Variants in SRGAP3 observed in about 807,000 individuals in gnomAD.
The protein encoded by SRGAP3 is SLIT-ROBO Rho GTPase activating protein 3.
A neutral mutation model predicts 121.1 loss-of-function variants in SRGAP3; 39 were observed. The ratio of observed to expected loss-of-function variants is 0.32; its 90% CI spans 0.25 to 0.42. The LOEUF is 0.42. Among genes scored for constraint, SRGAP3 ranks in the 10% least tolerant of loss-of-function variants. SRGAP3 has a pLI of 1.00. For synonymous variants in SRGAP3, 601 were observed against 570.0 expected (o/e 1.05, Z -0.77); for missense variants, 1,213 against 1,470.6 (o/e 0.82, Z 2.86).
intron 1 of SRGAP3, among the ~76,000 whole-genome samples, chr3:9,126,780 G>A (rs1472628427): frequency 2.0e-5 from 3 of 152,078 alleles, no homozygotes; most frequent in Non-Finnish European, 4.4e-5. Context: ...AAGGGTGAGG[G>A]GGTGGGAGGG....
At chr3:9,194,322 G>A (rs770439387) in intron 1 of SRGAP3, 2 of 151,988 alleles carry the variant, frequency 1.3e-5, no homozygotes, top group Non-Finnish European at 2.9e-5. Flanking sequence ...CATATTTCTG[G>A]GCCTCGATTT....
intron 3 of SRGAP3, among the ~76,000 whole-genome samples, chr3:9,325,101 T>A (rs747955518): frequency 4.6e-5 from 7 of 151,892 alleles, no homozygotes; most frequent in Non-Finnish European, 7.4e-5. Flanking sequence ...AATGTCCTCA[T>A]GGTCGCACAT....
intron 18 of SRGAP3, 78 bp downstream of exon 18, chr3:9,010,230 C>G: frequency 2.0e-6 from 3 of 1,532,910 alleles, no homozygotes; most frequent in South Asian, 2.3e-5. Flanking sequence ...TGTGGGCCAG[C>G]CCTGTGGTTG....
At chr3:9,149,546 A>G (rs965745019) in intron 1 of SRGAP3, among the ~76,000 whole-genome samples, 1 of 151,950 alleles carries the variant, frequency 6.6e-6, no homozygotes, top group South Asian at 2.1e-4. Context: ...AGAATGTGCT[A>G]CTCCAGCTAC....
At chr3:9,115,144 C>A (rs1309876233) in intron 2 of SRGAP3, among the ~76,000 whole-genome samples, 1 of 152,158 alleles carries the variant, frequency 6.6e-6, no homozygotes, top group Non-Finnish European at 1.5e-5. Flanking sequence ...GTTCACCCTG[C>A]CTTGCCTATC....
chr3:9,105,277 C>A (rs1356235638), intron 2 of SRGAP3, among the ~76,000 whole-genome samples: 1 of 152,238 alleles, frequency 6.6e-6, no homozygotes, highest in Non-Finnish European at 1.5e-5. Context: ...TTTTCTTGGG[C>A]TCTTAACTTC....
Position 9,182,849 on chromosome 3 carries a change from G to C in SRGAP3, c.68-57932C>G, listed in dbSNP as rs1014207148. On this transcript the variant is annotated intron_variant, in intron 1 of 21. Coordinates refer to ENST00000383836, the MANE Select transcript of SRGAP3 (RefSeq NM_014850.4). The stretch of plus-strand genomic sequence containing the variant: ...TTTTAAAAAATTTTATAGAGATGGA[G>C]GTCTCACTGTGTTGCCCAGGCTGGT... Among the ~76,000 whole-genome samples, 15 of 151,866 alleles carry C rather than the reference G, an allele frequency of 9.9e-5. 1 individual carries two copies. Among genetic ancestry groups the C allele is most frequent in the Non-Finnish European group, 8.8e-5 (6 of 67,992 alleles).
chr3:9,012,695 T>A (rs1943435711), intron 17 of SRGAP3, among the ~76,000 whole-genome samples: 1 of 152,164 alleles, frequency 6.6e-6, no homozygotes, highest in African/African-American at 2.4e-5. Flanking sequence ...AGGTGGGGAC[T>A]AGTCACTCCC....
intron 1 of SRGAP3, among the ~76,000 whole-genome samples, chr3:9,232,169 G>A (rs1574912945): frequency 6.6e-6 from 1 of 152,186 alleles, no homozygotes; most frequent in African/African-American, 2.4e-5. Context: ...ACCACAGTAA[G>A]TTCAGCATAA....
rs377514390 is a variant in SRGAP3 at position 9,248,875 on chromosome 3, C to T, written c.67+10G>A. The T allele has an allele frequency of 9.9e-6, 16 of 1,613,930 alleles. No homozygotes were observed. The African/African-American group carries it at 1.1e-4, about 11-fold the overall frequency. ...GAGGAGAAGGAAAACTCTCCCAGCC[C>T]GCATCTCACCTTTTATTTGGGCTTC... is the stretch of plus-strand genomic sequence containing the variant. On this transcript the variant is annotated intron_variant, in intron 1 of 21. Transcript: ENST00000383836.
At chr3:9,182,708 C>G (rs1951457370) in intron 1 of SRGAP3, among the ~76,000 whole-genome samples, 5 of 152,054 alleles carry the variant, frequency 3.3e-5, no homozygotes, top group Non-Finnish European at 7.4e-5. Flanking sequence ...GGCTGGAGTA[C>G]AGTGGCACAA....
chr3:9,281,739 C>A (rs1954683821), intron 3 of SRGAP3, among the ~76,000 whole-genome samples: 1 of 152,116 alleles, frequency 6.6e-6, no homozygotes, highest in African/African-American at 2.4e-5. Flanking sequence ...GTGGCATGAT[C>A]TGGGCTCACT....
chr3:9,093,499 A>G lies in SRGAP3; in HGVS notation c.423+11181T>C, dbSNP rs562688049. ...CATCTACCCATCAACCCACTCATCC[A>G]CTCATCCATCCGTTCATTCATCCAT... is the stretch of plus-strand genomic sequence containing the variant. On this transcript the variant is annotated intron_variant, in intron 3 of 21. Coordinates refer to ENST00000383836, the MANE Select transcript of SRGAP3 (RefSeq NM_014850.4). Among the ~76,000 whole-genome samples, 3 of 151,524 alleles carry G rather than the reference A, an allele frequency of 2.0e-5. No homozygotes were observed. The East Asian group carries it at 5.8e-4, about 29-fold the overall frequency.
At chr3:9,038,731 C>T (rs1190054657) in intron 10 of SRGAP3, among the ~76,000 whole-genome samples, 3 of 152,218 alleles carry the variant, frequency 2.0e-5, no homozygotes, top group Non-Finnish European at 2.9e-5. Context: ...ACCTACCTGC[C>T]AGACAAAGCC....
chr3:9,233,691 G>A (rs978372465), intron 1 of SRGAP3, among the ~76,000 whole-genome samples: 1 of 152,172 alleles, frequency 6.6e-6, no homozygotes, highest in African/African-American at 2.4e-5. Flanking sequence ...ATACAACTCA[G>A]CTTTACAAAT....
chr3:9,090,364 G>A (rs1313189950), intron 3 of SRGAP3, among the ~76,000 whole-genome samples: 2 of 151,284 alleles, frequency 1.3e-5, no homozygotes, highest in African/African-American at 4.9e-5. Flanking sequence ...GGAAACTAGA[G>A]AGGAGTAAAG....
intron 3 of SRGAP3, among the ~76,000 whole-genome samples, chr3:9,287,437 G>T (rs770959101): frequency 1.3e-5 from 2 of 152,086 alleles, no homozygotes; most frequent in Non-Finnish European, 2.9e-5. Flanking sequence ...CCACTTCCTG[G>T]TGAATAATAT....
chr3:9,264,542 T>C (rs564806907), intron 3 of SRGAP3, among the ~76,000 whole-genome samples: 317 of 152,304 alleles, frequency 2.1e-3, no homozygotes, highest in African/African-American at 7.5e-3. Flanking sequence ...ACAAAATCCA[T>C]GTGCAAAAAT....
chr3:9,294,507 T>C (rs1366294907), intron 3 of SRGAP3, among the ~76,000 whole-genome samples: 1 of 151,526 alleles, frequency 6.6e-6, no homozygotes, highest in African/African-American at 2.4e-5. Flanking sequence ...CCTGCACATG[T>C]ATCCTGGAAC....
Sources: gnomAD v4.1 joint callset for allele counts (sites outside exome capture counted in the v4.1 genomes callset) on GRCh38, gnomAD v4.1.1 for gene constraint, MANE v1.5 for transcripts, NCBI Gene and HGNC (gene_info 2026-07-23, HGNC 2026-07-21) for gene names.